The following ARHGEF18 variants were observed in gnomAD, a reference collection of about 807,000 sequenced individuals.
ARHGEF18 encodes rho guanine nucleotide exchange factor 18.
ARHGEF18 carries 93 observed loss-of-function variants against 155.7 expected under a neutral mutation model. That is an observed-to-expected ratio of 0.60 (90% CI 0.50 to 0.71). ARHGEF18 has a LOEUF of 0.71. Ranked by LOEUF, ARHGEF18 falls within the 30% of genes least tolerant of loss-of-function variation. The probability of loss-of-function intolerance (pLI) is 0.00; values close to 1 mark genes in which losing one functional copy is unlikely to be tolerated. For missense variants in ARHGEF18, 1,593 were observed against 1,816.1 expected (o/e 0.88, Z 2.23); for synonymous variants, 742 against 753.1 (o/e 0.99, Z 0.24).
intron 1 of ARHGEF18, among the ~76,000 whole-genome samples, chr19:7,353,296 A>C (rs1402453058): frequency 6.6e-6 from 1 of 151,822 alleles, no homozygotes; most frequent in African/African-American, 2.4e-5. Flanking sequence ...ATCATTAGAA[A>C]TACATATTCC....
In ARHGEF18 at chr19:7,455,614, C is replaced by T. The variant is rs532537315; in HGVS notation, c.2105-713C>T. 6.6e-5 allele frequency among the ~76,000 whole-genome samples: 10 copies of T among 152,226 alleles called. No homozygotes were observed. In the East Asian group the frequency reaches 9.7e-4, roughly 15 times the overall value. ...CAGGAGCAGGGAGAACAGAGAGCTC[C>T]GTTCACATCTGAGACATCAGAGGGA... On this transcript the variant is annotated intron_variant, in intron 17 of 28. Transcript: ENST00000668164.
intron 10 of ARHGEF18, among the ~76,000 whole-genome samples, chr19:7,394,715 C>T (rs1971591254): frequency 6.6e-6 from 1 of 151,622 alleles, no homozygotes; most frequent in Non-Finnish European, 1.5e-5. Flanking sequence ...AACCGCTGTC[C>T]TCCTCAGGAC....
At chr19:7,437,834 GGTTTCATCAT>G (rs908967015) in intron 10 of ARHGEF18, among the ~76,000 whole-genome samples, 76 of 151,640 alleles carry the variant, frequency 5.0e-4, no homozygotes, top group African/African-American at 1.8e-3. Context: ...GTAGAGATGG[GGTTTCATCAT>G]GTTGGCCAGG....
chr19:7,468,694 TCCTTCAGGCTGCACCTGGCTCTGTC>T, intron 26 of ARHGEF18, 106 bp from the exon 27 acceptor site: 2 of 1,009,990 alleles, frequency 2.0e-6, no homozygotes, highest in Non-Finnish European at 2.9e-6. Flanking sequence ...GACCAGCAGC[TCCTTCAGGCTGCACCTGGCTCTGTC>T]CAGAACAGGA....
At chr19:7,413,648 G>T (rs1972830419) in intron 10 of ARHGEF18, among the ~76,000 whole-genome samples, 1 of 152,176 alleles carries the variant, frequency 6.6e-6, no homozygotes, top group African/African-American at 2.4e-5. Context: ...TGTAGTTCCA[G>T]CTACTTGGGA....
intron 10 of ARHGEF18, among the ~76,000 whole-genome samples, chr19:7,412,218 T>C (rs1204972940): frequency 6.6e-6 from 1 of 151,660 alleles, no homozygotes; most frequent in Non-Finnish European, 1.5e-5. Context: ...GTATTTTTAG[T>C]GTTGGTCAGG....
Position 7,440,481 on chromosome 19 carries a change from G to C in ARHGEF18, c.1105G>C (p.Gly369Arg), listed in dbSNP as rs115555106. Residue 369 changes from glycine (G) to arginine (R), a missense_variant and splice_region_variant, in exon 11 of 29, where the codon GGA (glycine) becomes CGA (arginine). Coordinates refer to ENST00000668164, the MANE Select transcript of ARHGEF18 (RefSeq NM_001367823.1). The surrounding 1 kb of genome is among the most constrained non-coding windows in gnomAD (Gnocchi z 5.4). ...CCCGGCTGGCCCTGGGACGCAACTC[G>C]GGTAAGCCAGGGTCCCCTCTGTGCC... ...PSPAGPGTQL[G>R]PITGEMDEAD... 22 of 1,595,496 alleles carry C rather than the reference G, an allele frequency of 1.4e-5. No homozygotes were observed. Among genetic ancestry groups the C allele is most frequent in the Non-Finnish European group, 1.9e-5 (22 of 1,177,542 alleles).
At chr19:7,378,331 TG>T in intron 5 of ARHGEF18, 62 bp from the exon 6 acceptor site, 1 of 1,209,280 alleles carries the variant, frequency 8.3e-7, no homozygotes, top group Non-Finnish European at 1.0e-6. Flanking sequence ...AGGGCTCTGC[TG>T]GGCTGGTCCT....
intron 10 of ARHGEF18, among the ~76,000 whole-genome samples, chr19:7,385,575 A>C (rs1970967354): frequency 6.6e-6 from 1 of 151,400 alleles, no homozygotes; most frequent in South Asian, 2.1e-4. Context: ...TCCCAGGTTC[A>C]AGCGATTCTC....
chr19:7,441,789 C>T (rs763490344), intron 12 of ARHGEF18, 24 bp downstream of exon 12: 11 of 1,613,284 alleles, frequency 6.8e-6, no homozygotes, highest in African/African-American at 4.0e-5. Context: ...CGCTCTCTCG[C>T]GGCTGCCACA....
intron 3 of ARHGEF18, among the ~76,000 whole-genome samples, chr19:7,374,375 A>C (rs1279629268): frequency 6.6e-6 from 1 of 152,042 alleles, no homozygotes; most frequent in African/African-American, 2.4e-5. Flanking sequence ...GCACAAGCCC[A>C]AACTGAAAAC....
chr19:7,406,012 G>C (rs1600320858), intron 10 of ARHGEF18, among the ~76,000 whole-genome samples: 1 of 152,160 alleles, frequency 6.6e-6, no homozygotes, highest in African/African-American at 2.4e-5. Context: ...AATGTAGAAG[G>C]TCTCACTCTT....
rs1412422080 is a variant in ARHGEF18, at chr19:7,467,429, G to C, written c.3225G>C (p.Gln1075His). ...HEQQRWERER[Q>H]WQHQELERAG... is the part of the protein sequence containing the mutation. ...AGCAGCGCTGGGAGCGCGAGCGCCAGTGGCAGCACCAGGAGCTGGAGCGTG... is the reference window on the plus strand; with the variant it reads ...AGCAGCGCTGGGAGCGCGAGCGCCACTGGCAGCACCAGGAGCTGGAGCGTG... Residue 1075 changes from glutamine (Q) to histidine (H), a missense_variant, in exon 26 of 29, where the codon CAG becomes CAC. Coordinates refer to ENST00000668164, the MANE Select transcript of ARHGEF18 (RefSeq NM_001367823.1). 7 of 1,531,620 alleles carry C rather than the reference G, an allele frequency of 4.6e-6. No homozygotes were observed. The highest frequency in any genetic ancestry group is 6.1e-6 in the Non-Finnish European group (7 of 1,145,178). 94.9% of individuals were successfully genotyped at this position (1,531,620 alleles called of 1,614,324 possible). A position where few individuals can be genotyped will look rare whatever the true frequency, so the allele number is the denominator to read the frequency against.
chr19:7,399,727 A>C (rs1445591150), intron 10 of ARHGEF18, among the ~76,000 whole-genome samples: 1 of 148,614 alleles, frequency 6.7e-6, no homozygotes, highest in Non-Finnish European at 1.5e-5. Flanking sequence ...TGATCCGCCC[A>C]CTTCGCCTCC....
In ARHGEF18 at chr19:7,466,985, G is replaced by T. The variant is rs1976664785; in HGVS notation, c.2961+11G>T. ...GTCCTGGAGTCGGAGGTAGGCGCCC[G>T]CGGGTCTCCATCTCCCCAGGGCCTT... On this transcript the variant is annotated intron_variant, in intron 24 of 28. Transcript: ENST00000668164. 1 of 1,613,226 alleles carries T rather than the reference G, an allele frequency of 6.2e-7. No homozygotes were observed. Among genetic ancestry groups the T allele is most frequent in the South Asian group, 1.1e-5 (1 of 91,084 alleles).
chr19:7,411,278 T>TCCCC lies in ARHGEF18; in HGVS notation c.967+28075_967+28076insCCCC, dbSNP rs1568309303. Among the ~76,000 whole-genome samples, 42 of 101,632 alleles carry TCCCC rather than the reference T, an allele frequency of 4.1e-4. 1 individual carries two copies. Among genetic ancestry groups the TCCCC allele is most frequent in the South Asian group, 1.4e-3 (3 of 2,142 alleles). The allele number at this position is 101,632 out of a possible 152,430, so 66.7% of individuals were successfully genotyped here. ...TTCCCCTTCCCCTTCCCCTTCCCCT[T>TCCCC]TCCCTTTCCCTCCCCTCCCCTTCCC... On this transcript the variant is annotated intron_variant, in intron 10 of 28. Coordinates refer to ENST00000668164, the MANE Select transcript of ARHGEF18 (RefSeq NM_001367823.1).
At chr19:7,447,744 AG>A (rs1200271753) in intron 15 of ARHGEF18, among the ~76,000 whole-genome samples, 2 of 152,138 alleles carry the variant, frequency 1.3e-5, no homozygotes, top group Non-Finnish European at 2.9e-5. Flanking sequence ...CTGTAAATCC[AG>A]CACTTCGAGA....
chr19:7,430,984 T>C (rs1973926343), intron 10 of ARHGEF18, among the ~76,000 whole-genome samples: 1 of 151,716 alleles, frequency 6.6e-6, no homozygotes, highest in Admixed American at 6.6e-5. Context: ...CTTTGCAACA[T>C]AGCCAGATCC....
intron 2 of ARHGEF18, among the ~76,000 whole-genome samples, chr19:7,365,267 A>G (rs977380507): frequency 2.0e-5 from 3 of 152,144 alleles, no homozygotes; most frequent in African/African-American, 7.2e-5. Flanking sequence ...TCTCTACTAA[A>G]AATACAAAAA....
Sources: allele counts gnomAD v4.1 joint callset (sites outside exome capture counted in the v4.1 genomes callset), GRCh38; gene constraint gnomAD v4.1.1; non-coding constraint Gnocchi (gnomAD v3.1); transcripts MANE v1.5; gene names NCBI Gene and HGNC (gene_info 2026-07-23, HGNC 2026-07-21).